Variants in PKHD1 observed in about 807,000 individuals in gnomAD.
PKHD1 encodes the protein PKHD1 ciliary IPT domain containing fibrocystin/polyductin, also known as fibrocystin.
In PKHD1, 291 loss-of-function variants were observed where a neutral mutation model predicts 412.0. The observed-to-expected ratio is 0.71, with a 90% CI of 0.64 to 0.78. The LOEUF is 0.78. PKHD1 is among the 30% of genes least tolerant of loss of function. The pLI, the probability that PKHD1 is intolerant of heterozygous loss-of-function variation, is 0.00. For synonymous variants in PKHD1, 1,777 were observed against 1,821.5 expected (o/e 0.98, Z 0.62); for missense variants, 4,825 against 4,950.7 (o/e 0.97, Z 0.76).
chr6:52,047,291 C>T (rs1372245401), intron 23 of PKHD1, among the ~76,000 whole-genome samples: 1 of 152,126 alleles, frequency 6.6e-6, no homozygotes, highest in Non-Finnish European at 1.5e-5. Flanking sequence ...AGAATCAACA[C>T]CTAGGGATCT....
chr6:51,962,378 T>C (rs184378583), intron 35 of PKHD1, among the ~76,000 whole-genome samples: 100 of 152,240 alleles, frequency 6.6e-4, no homozygotes, highest in Non-Finnish European at 1.1e-3. Context: ...TGAGAACATT[T>C]TTAAATTTTT....
chr6:51,815,625 AT>A (rs1765336196), intron 52 of PKHD1, among the ~76,000 whole-genome samples: 1 of 152,046 alleles, frequency 6.6e-6, no homozygotes, highest in African/African-American at 2.4e-5. Context: ...ACAGCAGACG[AT>A]GAGGCCAGAT....
intron 60 of PKHD1, among the ~76,000 whole-genome samples, chr6:51,693,149 T>C (rs142350056): frequency 2.0e-5 from 3 of 152,284 alleles, no homozygotes; most frequent in East Asian, 1.9e-4. Context: ...TACACACACA[T>C]AGAAAGGGAG....
chr6:51,738,879 T>G (rs2397059), intron 60 of PKHD1, among the ~76,000 whole-genome samples: 47,078 of 151,724 alleles, frequency 0.31, 11,636 homozygotes, highest in African/African-American at 0.69. Context: ...AGGTCTCATT[T>G]GAAATGCAAC....
chr6:51,798,897 A>G (rs1197186378), intron 52 of PKHD1, among the ~76,000 whole-genome samples: 1 of 152,192 alleles, frequency 6.6e-6, no homozygotes, highest in East Asian at 1.9e-4. Context: ...ACATACACAT[A>G]AAAGTATGAT....
In PKHD1 at chr6:51,747,832, T is replaced by C. The variant is rs1276249806; in HGVS notation, c.9784A>G (p.Lys3262Glu). 1.2e-6 allele frequency: 2 copies of C among 1,613,818 alleles called. No homozygotes were observed. The highest frequency in any genetic ancestry group is 1.3e-5 in the African/African-American group (1 of 74,910). Residue 3262 changes from lysine to glutamate, a missense_variant, in exon 58 of 67, where the codon AAA (lysine) becomes GAA (glutamate). By Grantham distance (56) the Lys-to-Glu change is moderately conservative. Transcript: ENST00000371117. ...PNQWPQEPWH[K>E]VRNDHSISGI... ...GAAATTGAATGATCATTCCTCACTT[T>C]GTGCCATGGCTCCTGAGGCCACTGA...
chr6:52,048,832 AC>A (rs1806289123), intron 22 of PKHD1, among the ~76,000 whole-genome samples: 1 of 152,094 alleles, frequency 6.6e-6, no homozygotes, highest in African/African-American at 2.4e-5. Flanking sequence ...AGAGCTAAAA[AC>A]GTTGGCATTT....
intron 55 of PKHD1, among the ~76,000 whole-genome samples, chr6:51,755,507 T>G (rs572395838): frequency 6.6e-6 from 1 of 152,320 alleles, no homozygotes; most frequent in African/African-American, 2.4e-5. Context: ...AGGCTATATT[T>G]GTACTTTCTG....
intron 60 of PKHD1, among the ~76,000 whole-genome samples, chr6:51,732,314 G>T (rs1783326918): frequency 6.6e-6 from 1 of 152,022 alleles, no homozygotes; most frequent in South Asian, 2.1e-4. Context: ...TCAAAAATTT[G>T]TGGATCAAAA....
rs1262409248 is a variant in PKHD1 at position 52,025,949 on chromosome 6, C to T, written c.3861G>A (p.Val1287=). The change falls in exon 32 of 67, where the codon GTG becomes GTA. Residue 1287 remains valine, a synonymous_variant. Transcript: ENST00000371117. ...FFARGPSPSL[V]GKGFTFMYEA... ...CATACATGAAGGTGAAGCCTTTCCCCACCAAGCTTGGTGAAGGACCACGGG... is the reference window on the plus strand; with the variant it reads ...CATACATGAAGGTGAAGCCTTTCCCTACCAAGCTTGGTGAAGGACCACGGG... The T allele has an allele frequency of 1.9e-6, 3 of 1,614,172 alleles. No homozygotes were observed. The highest frequency in any genetic ancestry group is 2.5e-6 in the Non-Finnish European group (3 of 1,180,044).
Position 51,767,392 on chromosome 6 carries a change from T to C in PKHD1, c.8642+5310A>G, listed in dbSNP as rs910687665. Among the ~76,000 whole-genome samples the C allele has an allele frequency of 2.6e-4, 40 of 152,254 alleles. 1 individual carries two copies. The highest frequency in any genetic ancestry group is 4.6e-4 in the Non-Finnish European group (31 of 68,014). ...AGGGTACATGTGCACAACGTGCAGGTTTGTTACATATGTATACATGTGCCA... is the reference window on the plus strand; with the variant it reads ...AGGGTACATGTGCACAACGTGCAGGCTTGTTACATATGTATACATGTGCCA... On this transcript the variant is annotated intron_variant, in intron 55 of 66. Coordinates refer to ENST00000371117, the MANE Select transcript of PKHD1 (RefSeq NM_138694.4).
At chr6:51,861,099 C>T (rs1774119568) in intron 48 of PKHD1, among the ~76,000 whole-genome samples, 2 of 152,184 alleles carry the variant, frequency 1.3e-5, no homozygotes, top group Non-Finnish European at 1.5e-5. Context: ...AGGCGTGAGC[C>T]ACCATGCCTG....
Position 52,017,636 on chromosome 6 carries a change from G to A in PKHD1, c.5381-7C>T. 6.2e-7 allele frequency: 1 copy of A among 1,609,076 alleles called. No homozygotes were observed. The stretch of plus-strand genomic sequence containing the variant: ...CACAGGAAGGCCAAGGACACTGCAG[G>A]AAACAGTCACCATTAGGAAAGAACC... On this transcript the variant is annotated splice_region_variant and splice_polypyrimidine_tract_variant and intron_variant, in intron 33 of 66. Coordinates refer to ENST00000371117, the MANE Select transcript of PKHD1 (RefSeq NM_138694.4).
At chr6:51,969,992 T>C (rs1412051885) in intron 35 of PKHD1, among the ~76,000 whole-genome samples, 1 of 152,348 alleles carries the variant, frequency 6.6e-6, no homozygotes, top group East Asian at 1.9e-4. Context: ...CTTCTATTTT[T>C]AGTTCTTTGA....
intron 60 of PKHD1, among the ~76,000 whole-genome samples, chr6:51,668,125 A>G (rs909270418): frequency 8.5e-5 from 13 of 152,172 alleles, no homozygotes; most frequent in African/African-American, 3.1e-4. Flanking sequence ...GAATCTGTAA[A>G]TTACCTTGTG....
At chr6:51,941,087 C>T (rs1788440562) in intron 36 of PKHD1, among the ~76,000 whole-genome samples, 1 of 151,046 alleles carries the variant, frequency 6.6e-6, no homozygotes, top group South Asian at 2.1e-4. Context: ...ATATAAGACA[C>T]CTCTACTCCC....
intron 52 of PKHD1, among the ~76,000 whole-genome samples, chr6:51,805,946 C>T (rs1582800299): frequency 1.3e-5 from 2 of 152,068 alleles, no homozygotes; most frequent in South Asian, 4.2e-4. Context: ...CCACAATAAA[C>T]ATACGTGTGC....
At chr6:51,804,901 A>G (rs1323034975) in intron 52 of PKHD1, among the ~76,000 whole-genome samples, 1 of 152,220 alleles carries the variant, frequency 6.6e-6, no homozygotes. Flanking sequence ...GAGGCTGTGA[A>G]GAAAAAGGAA....
At chr6:52,031,695 C>A (rs1803057477) in intron 29 of PKHD1, among the ~76,000 whole-genome samples, 2 of 152,160 alleles carry the variant, frequency 1.3e-5, no homozygotes, top group South Asian at 4.1e-4. Flanking sequence ...CTCAGCCTCA[C>A]GGTCATCATC....
Sources: gnomAD v4.1 joint callset for allele counts (sites outside exome capture counted in the v4.1 genomes callset) on GRCh38, gnomAD v4.1.1 for gene constraint, MANE v1.5 for transcripts, NCBI Gene and HGNC (gene_info 2026-07-23, HGNC 2026-07-21) for gene names.